Variants in RANBP2 observed in about 807,000 individuals in gnomAD.
RANBP2 encodes the protein RAN binding protein 2, also known as E3 SUMO-protein ligase RanBP2.
A neutral mutation model predicts 303.6 loss-of-function variants in RANBP2; 57 were observed. The observed-to-expected ratio is 0.19, with a 90% CI of 0.15 to 0.23. The LOEUF (loss-of-function observed/expected upper bound fraction) is 0.23. RANBP2 is among the 10% of genes least tolerant of loss of function. The probability of loss-of-function intolerance (pLI) is 1.00; values close to 1 mark genes in which losing one functional copy is unlikely to be tolerated. For missense variants in RANBP2, 3,138 were observed against 3,780.8 expected, an observed-to-expected ratio of 0.83 and a Z score of 4.46; for synonymous variants, 1,167 against 1,301.5, an observed-to-expected ratio of 0.90 and a Z score of 2.23.
rs1676934225 is a variant in RANBP2, at chr2:108,763,980, A to G, written c.3441A>G (p.Leu1147=). 6.2e-7 allele frequency: 1 copy of G among 1,614,014 alleles called. No homozygotes were observed. Among genetic ancestry groups the G allele is most frequent in the Non-Finnish European group, 8.5e-7 (1 of 1,179,934 alleles). Residue 1147 remains leucine, a synonymous_variant, in exon 20 of 29, where the codon TTA becomes TTG. Transcript: ENST00000283195. Reference sequence around the variant, plus strand: ...AATCAGTATTTGGAACACCCACTTTAGAGACAGCAAACAAGAATCATGAGA... The same window carrying G: ...AATCAGTATTTGGAACACCCACTTTGGAGACAGCAAACAAGAATCATGAGA... ...PGKSVFGTPT[L]ETANKNHETD...
chr2:109,324,714 T>C, the RANBP2 span, among the ~76,000 whole-genome samples: 4 of 152,156 alleles, frequency 2.6e-5, no homozygotes, highest in Admixed American at 2.0e-4. Flanking sequence ...GGTAGTAAAG[T>C]AGATGAAATT....
chr2:108,879,500 T>G, the RANBP2 span, among the ~76,000 whole-genome samples: 2 of 152,210 alleles, frequency 1.3e-5, no homozygotes, highest in Admixed American at 1.3e-4. Context: ...CAAAGAATTA[T>G]GGAGAAATTA....
the RANBP2 span, among the ~76,000 whole-genome samples, chr2:109,252,920 C>G: frequency 1.1e-4 from 16 of 152,206 alleles, no homozygotes; most frequent in African/African-American, 3.9e-4. Flanking sequence ...GTCAGCCCAT[C>G]GTAAGTAGGG....
At chr2:109,319,623 T>C in the RANBP2 span, among the ~76,000 whole-genome samples, 1 of 152,234 alleles carries the variant, frequency 6.6e-6, no homozygotes, top group African/African-American at 2.4e-5. Flanking sequence ...TCTTCTCTTA[T>C]CATCCCTGTT....
At chr2:109,292,696 G>A in the RANBP2 span, among the ~76,000 whole-genome samples, 113 of 152,218 alleles carry the variant, frequency 7.4e-4, 4 homozygotes, top group Admixed American at 3.3e-3. Context: ...GCACAAACCG[G>A]CCTGGTCCAT....
chr2:109,219,049 C>T, the RANBP2 span, among the ~76,000 whole-genome samples: 1 of 152,026 alleles, frequency 6.6e-6, no homozygotes, highest in Non-Finnish European at 1.5e-5. Context: ...GGGCTCAGTC[C>T]TCATTTAGCT....
chr2:109,051,998 T>A, the RANBP2 span, among the ~76,000 whole-genome samples: 2 of 152,206 alleles, frequency 1.3e-5, no homozygotes, highest in Non-Finnish European at 2.9e-5. Context: ...TCCGCCCGCC[T>A]CGGCCTCCCA....
the RANBP2 span, among the ~76,000 whole-genome samples, chr2:109,569,300 A>G: frequency 3.7e-3 from 564 of 152,096 alleles, 5 homozygotes; most frequent in African/African-American, 0.013. Flanking sequence ...GCATGGTGGC[A>G]CATGCCTGTA....
At chr2:109,704,066 C>G in the RANBP2 span, among the ~76,000 whole-genome samples, 1 of 152,114 alleles carries the variant, frequency 6.6e-6, no homozygotes, top group East Asian at 1.9e-4. Flanking sequence ...CCTCTCTGCC[C>G]AGAGTTTTAT....
chr2:108,817,875 C>G, the RANBP2 span, among the ~76,000 whole-genome samples: 4 of 152,156 alleles, frequency 2.6e-5, no homozygotes, highest in Non-Finnish European at 5.9e-5. Flanking sequence ...CAATAGGACA[C>G]AAATACACCT....
At chr2:109,414,608 T>G in the RANBP2 span, among the ~76,000 whole-genome samples, 1 of 152,176 alleles carries the variant, frequency 6.6e-6, no homozygotes, top group Non-Finnish European at 1.5e-5. Flanking sequence ...GCCTCATAGA[T>G]CAGCTATACA....
the RANBP2 span, among the ~76,000 whole-genome samples, chr2:109,230,574 T>C: frequency 6.6e-6 from 1 of 152,190 alleles, no homozygotes; most frequent in African/African-American, 2.4e-5. Flanking sequence ...AGAGAGATCA[T>C]CTTAAAAAAT....
the RANBP2 span, among the ~76,000 whole-genome samples, chr2:109,673,450 G>A: frequency 1.3e-5 from 2 of 152,198 alleles, no homozygotes. Flanking sequence ...AACCCCAAGA[G>A]CTGTAAACAG....
the RANBP2 span, among the ~76,000 whole-genome samples, chr2:109,074,178 C>T: frequency 4.6e-5 from 7 of 150,622 alleles, no homozygotes; most frequent in African/African-American, 1.5e-4. Flanking sequence ...ACCAACCTGG[C>T]CAACATAGTG....
the RANBP2 span, among the ~76,000 whole-genome samples, chr2:109,159,179 C>A: frequency 1.3e-5 from 2 of 152,216 alleles, no homozygotes; most frequent in Non-Finnish European, 2.9e-5. Flanking sequence ...GACTCAGGTA[C>A]AGAGCAGGGT....
chr2:108,981,744 A>C, the RANBP2 span, among the ~76,000 whole-genome samples: 1 of 152,224 alleles, frequency 6.6e-6, no homozygotes, highest in Non-Finnish European at 1.5e-5. Context: ...GAGCCCATGG[A>C]AACGACAGCA....
the RANBP2 span, among the ~76,000 whole-genome samples, chr2:109,679,541 G>C: frequency 6.6e-6 from 1 of 152,104 alleles, no homozygotes; most frequent in Non-Finnish European, 1.5e-5. Flanking sequence ...TACACCCACC[G>C]GCTCCAGGAT....
the RANBP2 span, among the ~76,000 whole-genome samples, chr2:109,265,126 G>A: frequency 6.6e-6 from 1 of 152,144 alleles, no homozygotes; most frequent in African/African-American, 2.4e-5. Flanking sequence ...AAATAGGATG[G>A]TGTGTGTTTT....
At chr2:109,467,488 G>T in the RANBP2 span, among the ~76,000 whole-genome samples, 2 of 152,208 alleles carry the variant, frequency 1.3e-5, no homozygotes, top group Non-Finnish European at 2.9e-5. Flanking sequence ...AGAAGCCCTG[G>T]AAGGACAGCA....
Sources: allele counts gnomAD v4.1 joint callset (sites outside exome capture counted in the v4.1 genomes callset), GRCh38; gene constraint gnomAD v4.1.1; transcripts MANE v1.5; gene names NCBI Gene and HGNC (gene_info 2026-07-23, HGNC 2026-07-21).